Variants in HCN1 observed in about 807,000 individuals in gnomAD.
HCN1 encodes the protein potassium/sodium hyperpolarization-activated cyclic nucleotide-gated channel 1.
In HCN1, 13 loss-of-function variants were observed where a neutral mutation model predicts 78.9. The observed-to-expected ratio is 0.16, with a 90% confidence interval of 0.11 to 0.26. The LOEUF is 0.26. Among genes scored for constraint, HCN1 ranks in the 10% least tolerant of loss-of-function variants. The pLI is 1.00. For synonymous variants in HCN1, 552 were observed against 455.5 expected, an observed-to-expected ratio of 1.21 and a Z score of -2.70; for missense variants, 810 against 1,154.3, an observed-to-expected ratio of 0.70 and a Z score of 4.32.
chr5:45,412,339 T>G (rs1270219911), intron 3 of HCN1, among the ~76,000 whole-genome samples: 1 of 152,208 alleles, frequency 6.6e-6, no homozygotes, highest in East Asian at 1.9e-4. Flanking sequence ...TACCCCAGGC[T>G]GGCCTAGAAG....
intron 4 of HCN1, among the ~76,000 whole-genome samples, chr5:45,372,950 T>C (rs1462012371): frequency 7.1e-6 from 1 of 140,480 alleles, no homozygotes; most frequent in African/African-American, 2.6e-5. Context: ...AATATATAAG[T>C]ATTTTATACA....
intron 2 of HCN1, chr5:45,576,342 A>C (rs1743944614): frequency 6.6e-6 from 1 of 152,198 alleles, no homozygotes; most frequent in Admixed American, 6.6e-5. Flanking sequence ...AAACTTATTT[A>C]ATGAAGCAGA....
intron 7 of HCN1, among the ~76,000 whole-genome samples, chr5:45,263,107 A>G (rs778538166): frequency 6.6e-6 from 1 of 152,224 alleles, no homozygotes; most frequent in Non-Finnish European, 1.5e-5. Flanking sequence ...GAATGGGGGA[A>G]GAAAGGGCTT....
chr5:45,667,098 A>G (rs1275942952), intron 1 of HCN1, among the ~76,000 whole-genome samples: 1 of 152,050 alleles, frequency 6.6e-6, no homozygotes, highest in Non-Finnish European at 1.5e-5. Flanking sequence ...AGGAAGAGCC[A>G]TGGAACTCAG....
rs978555310 is a variant in HCN1, at chr5:45,378,520, C to T, written c.1230+17972G>A. ...ACCTCTAACTGGAAAATTTAAGCAC[C>T]CCTATCTCCATGTGGAGGTTGATAA... is the stretch of plus-strand genomic sequence containing the variant. On this transcript the variant is annotated intron_variant, in intron 4 of 7. Transcript: ENST00000303230. 2.0e-5 allele frequency among the ~76,000 whole-genome samples: 3 copies of T among 151,984 alleles called. No homozygotes were observed. The South Asian group carries it at 6.2e-4, about 32-fold the overall frequency.
intron 5 of HCN1, among the ~76,000 whole-genome samples, chr5:45,326,710 T>C (rs969705337): frequency 6.6e-6 from 1 of 151,692 alleles, no homozygotes; most frequent in Non-Finnish European, 1.5e-5. Flanking sequence ...AATTTTGAGA[T>C]GTACAAATTA....
At chr5:45,600,583 G>T (rs1321366248) in intron 2 of HCN1, among the ~76,000 whole-genome samples, 1 of 152,160 alleles carries the variant, frequency 6.6e-6, no homozygotes, top group Non-Finnish European at 1.5e-5. Context: ...CGCAAGGAGA[G>T]ATCTTAACAA....
intron 5 of HCN1, among the ~76,000 whole-genome samples, chr5:45,343,729 A>T (rs1746634510): frequency 6.6e-6 from 1 of 152,152 alleles, no homozygotes; most frequent in Non-Finnish European, 1.5e-5. Flanking sequence ...TAAGGCAGGA[A>T]CTTAGAACTA....
intron 5 of HCN1, among the ~76,000 whole-genome samples, chr5:45,313,568 C>T (rs182771986): frequency 6.6e-6 from 1 of 152,236 alleles, no homozygotes; most frequent in Admixed American, 6.5e-5. Flanking sequence ...AAAACTTCTC[C>T]AAGCTAAAGG....
rs575608620 is a variant in HCN1 at position 45,688,982 on chromosome 5, G to A, written c.425+6687C>T. Reference sequence around the variant, plus strand: ...GATTAGTGGTTGCTTAAGGCTGAGCGGGAGGGCGGGAGAGGAGAGAAAGTG... The same window carrying A: ...GATTAGTGGTTGCTTAAGGCTGAGCAGGAGGGCGGGAGAGGAGAGAAAGTG... On this transcript the variant is annotated intron_variant, in intron 1 of 7. Transcript: ENST00000303230. Among the ~76,000 whole-genome samples, 22 of 152,138 alleles carry A rather than the reference G, an allele frequency of 1.4e-4. 1 individual carries two copies. The highest frequency in any genetic ancestry group is 5.3e-4 in the African/African-American group (22 of 41,542).
At chr5:45,604,631 T>TA (rs1013485232) in intron 2 of HCN1, among the ~76,000 whole-genome samples, 4 of 151,824 alleles carry the variant, frequency 2.6e-5, no homozygotes, top group Non-Finnish European at 4.4e-5. Context: ...TCAACCTTTT[T>TA]AAAAAAATGA....
At chr5:45,658,765 C>A (rs1745847595) in intron 1 of HCN1, among the ~76,000 whole-genome samples, 1 of 152,052 alleles carries the variant, frequency 6.6e-6, no homozygotes, top group Non-Finnish European at 1.5e-5. Context: ...AAACGGCGCA[C>A]CACGAGACTA....
At chr5:45,462,143 G>C (rs1741175275) in intron 2 of HCN1, 136 bp from the exon 3 acceptor site, 2 of 698,160 alleles carry the variant, frequency 2.9e-6, no homozygotes, top group Non-Finnish European at 4.9e-6. Flanking sequence ...TGCAGAAATA[G>C]AAACAGATTA....
At chr5:45,445,365 G>A (rs1740768640) in intron 3 of HCN1, among the ~76,000 whole-genome samples, 1 of 152,202 alleles carries the variant, frequency 6.6e-6, no homozygotes, top group African/African-American at 2.4e-5. Context: ...GCTTGCTTAG[G>A]TCAACAAAGC....
At chr5:45,333,648 G>T (rs1746392721) in intron 5 of HCN1, among the ~76,000 whole-genome samples, 1 of 151,722 alleles carries the variant, frequency 6.6e-6, no homozygotes, top group Admixed American at 6.6e-5. Context: ...AATACATTTT[G>T]ATTTGATTTT....
intron 2 of HCN1, among the ~76,000 whole-genome samples, chr5:45,494,648 G>T (rs1741982209): frequency 6.6e-6 from 1 of 151,938 alleles, no homozygotes; most frequent in South Asian, 2.1e-4. Context: ...CATTGCTTTT[G>T]GTGTTTTAGA....
Position 45,645,390 on chromosome 5 carries a change from A to C in HCN1, c.644T>G (p.Met215Arg). 6.2e-7 allele frequency: 1 copy of C among 1,613,606 alleles called. No individual in the cohort carries two copies. The highest frequency in any genetic ancestry group is 1.3e-5 in the African/African-American group (1 of 75,032). Reference protein sequence around the residue: ...EIILDPKVIKMNYLKSWFVVD... With the variant: ...EIILDPKVIKRNYLKSWFVVD... ...CACAAACCAGCTTTTTAAATAATTC[A>C]TCTTGATCACTTTGGGGTCCAGGAT... is the stretch of plus-strand genomic sequence containing the variant. The change falls in exon 2 of 8, where the codon ATG becomes AGG. Residue 215 changes from methionine to arginine, a missense_variant. Physicochemically the swap from Met to Arg is moderately conservative, Grantham distance 91. Coordinates refer to ENST00000303230, the MANE Select transcript of HCN1 (RefSeq NM_021072.4).
At chr5:45,429,545 A>G (rs1740422242) in intron 3 of HCN1, among the ~76,000 whole-genome samples, 1 of 152,180 alleles carries the variant, frequency 6.6e-6, no homozygotes. Context: ...AAAAAGGTGC[A>G]ATCAATTAAT....
At chr5:45,271,800 G>A (rs951768319) in intron 6 of HCN1, among the ~76,000 whole-genome samples, 2 of 151,906 alleles carry the variant, frequency 1.3e-5, no homozygotes, top group African/African-American at 2.4e-5. Flanking sequence ...ATTCCCCTAC[G>A]GAGCAACTAA....
Sources: gnomAD v4.1 joint callset for allele counts (sites outside exome capture counted in the v4.1 genomes callset) on GRCh38, gnomAD v4.1.1 for gene constraint, MANE v1.5 for transcripts, NCBI Gene and HGNC (gene_info 2026-07-23, HGNC 2026-07-21) for gene names.